PADI4: variants seen among roughly 807,000 people sequenced by gnomAD.
The protein encoded by PADI4 is protein-arginine deiminase type-4.
PADI4 carries 62 observed loss-of-function variants against 75.0 expected under a neutral mutation model. The ratio of observed to expected loss-of-function variants is 0.83; its 90% CI spans 0.67 to 1.02. The LOEUF (loss-of-function observed/expected upper bound fraction) is 1.02. Ranked by LOEUF, PADI4 falls within the 50% of genes least tolerant of loss-of-function variation. The pLI is 0.00. For missense variants in PADI4, 845 were observed against 850.5 expected, an observed-to-expected ratio of 0.99 and a Z score of 0.08; for synonymous variants, 361 against 348.1, an observed-to-expected ratio of 1.04 and a Z score of -0.41.
rs1176442583 is a variant in PADI4, at chr1:17,356,870, T to C, written c.1558+411T>C. 2.6e-5 allele frequency among the ~76,000 whole-genome samples: 4 copies of C among 151,646 alleles called. No individual in the cohort carries two copies. The highest frequency in any genetic ancestry group is 4.9e-5 in the African/African-American group (2 of 41,228). ...CTCAGAGGCAGGAGAAAGCACGATG[T>C]GTGTGAGGACCTCGGGGAGGTTCGG... On this transcript the variant is annotated intron_variant, in intron 13 of 15. Transcript: ENST00000375448. The surrounding 1 kb of genome is among the most constrained non-coding windows in gnomAD (Gnocchi z 4.1).
Position 17,342,094 on chromosome 1 carries a change from C to A in PADI4, c.804C>A (p.Thr268=). ...DTDFPGLITL[T]ISLLDTSNLE... ...ACTTCCCGGGGCTCATTACCCTCAC[C>A]ATCTCCCTGCTGGACACGTCCAACC... Residue 268 remains threonine (T), a synonymous_variant, in exon 7 of 16, where the codon ACC becomes ACA. Transcript: ENST00000375448. The A allele has an allele frequency of 1.2e-6, 2 of 1,614,080 alleles. No individual in the cohort carries two copies. Among genetic ancestry groups the A allele is most frequent in the Non-Finnish European group, 1.7e-6 (2 of 1,180,002 alleles).
chr1:17,347,384 A>C (rs1414534071), intron 9 of PADI4, among the ~76,000 whole-genome samples: 3 of 152,186 alleles, frequency 2.0e-5, no homozygotes, highest in Non-Finnish European at 4.4e-5. Context: ...TGCCTGCTAG[A>C]ATACAAGCCT....
chr1:17,347,656 A>AG (rs1248170215), intron 9 of PADI4, among the ~76,000 whole-genome samples: 1 of 151,456 alleles, frequency 6.6e-6, no homozygotes, highest in Non-Finnish European at 1.5e-5. Flanking sequence ...CACCTTGAGG[A>AG]GGGGTCTCAG....
At chr1:17,334,459 C>A (rs552514181) in intron 3 of PADI4, 1 of 447,876 alleles carries the variant, frequency 2.2e-6, no homozygotes, top group South Asian at 1.6e-5. Context: ...CTTGCCACCA[C>A]GCCTGGCTAA....
At chr1:17,315,233 G>A (rs2073911607) in intron 1 of PADI4, among the ~76,000 whole-genome samples, 1 of 152,218 alleles carries the variant, frequency 6.6e-6, no homozygotes. Context: ...TACACAGTGA[G>A]GGGTGAGTGA....
Position 17,352,131 on chromosome 1 carries a change from T to C in PADI4, c.1156-2402T>C, listed in dbSNP as rs1263485820. ...GGAGAGACTGTGGTCAGAGAGGTGATGGGAGGCAGTAGGAGAGGCAATCAG... is the reference window on the plus strand; with the variant it reads ...GGAGAGACTGTGGTCAGAGAGGTGACGGGAGGCAGTAGGAGAGGCAATCAG... On this transcript the variant is annotated intron_variant, in intron 10 of 15. Coordinates refer to ENST00000375448, the MANE Select transcript of PADI4 (RefSeq NM_012387.3). Among the ~76,000 whole-genome samples, 18 of 101,320 alleles carry C rather than the reference T, an allele frequency of 1.8e-4. 1 individual carries two copies. The highest frequency in any genetic ancestry group is 5.7e-4 in the Admixed American group (6 of 10,576). 66.5% of individuals were successfully genotyped at this position (101,320 alleles called of 152,430 possible). A position where few individuals can be genotyped will look rare whatever the true frequency, so the allele number is the denominator to read the frequency against.
intron 7 of PADI4, 27 bp downstream of exon 7, chr1:17,342,148 G>T (rs769277385): frequency 2.5e-6 from 4 of 1,605,244 alleles, no homozygotes; most frequent in Admixed American, 1.7e-5. Context: ...GCCCTGCATC[G>T]GGGGCCTGGG....
intron 14 of PADI4, 78 bp downstream of exon 14, chr1:17,358,986 C>A: frequency 3.2e-6 from 3 of 949,340 alleles, no homozygotes; most frequent in Non-Finnish European, 4.9e-6. Context: ...TGATTAGAGG[C>A]ACACAGAGGC....
At chr1:17,323,315 A>G (rs2074063050) in intron 1 of PADI4, among the ~76,000 whole-genome samples, 1 of 117,986 alleles carries the variant, frequency 8.5e-6, no homozygotes. Context: ...CAGAAGTGAT[A>G]TTCCAGCACT....
intron 1 of PADI4, among the ~76,000 whole-genome samples, chr1:17,316,712 AATTAATTAATT>A (rs1557539637): frequency 2.5e-4 from 37 of 147,724 alleles, no homozygotes; most frequent in Admixed American, 3.4e-4. Context: ...TAAATAAATT[AATTAATTAATT>A]AATTAATTAA....
At chr1:17,333,803 G>GC in intron 2 of PADI4, 140 bp from the exon 3 acceptor site, 1 of 627,042 alleles carries the variant, frequency 1.6e-6, no homozygotes. Flanking sequence ...ATCGGATGGG[G>GC]CCACTCCTTA....
At chr1:17,359,217 T>TCC in intron 14 of PADI4, 63 bp from the exon 15 acceptor site, 1 of 647,816 alleles carries the variant, frequency 1.5e-6, no homozygotes, top group Non-Finnish European at 2.6e-6. Flanking sequence ...CCCCACACTG[T>TCC]CCCCCACCCC....
chr1:17,349,461 T>C (rs369138801), intron 10 of PADI4, among the ~76,000 whole-genome samples: 7 of 152,048 alleles, frequency 4.6e-5, no homozygotes, highest in East Asian at 3.9e-4. Context: ...TCCCAGCAGT[T>C]TGGGAGGCCA....
chr1:17,318,028 A>C (rs2073969894), intron 1 of PADI4, among the ~76,000 whole-genome samples: 1 of 152,204 alleles, frequency 6.6e-6, no homozygotes, highest in African/African-American at 2.4e-5. Context: ...CAAAACAAAC[A>C]AAAAACACAC....
intron 1 of PADI4, among the ~76,000 whole-genome samples, chr1:17,312,460 CAA>C (rs56407736): frequency 1.1e-4 from 12 of 110,142 alleles, no homozygotes; most frequent in African/African-American, 2.9e-4. Flanking sequence ...AACTCCGCCT[CAA>C]AAAAAAAAAA....
At chr1:17,347,309 G>A (rs543786973) in intron 9 of PADI4, among the ~76,000 whole-genome samples, 20 of 152,294 alleles carry the variant, frequency 1.3e-4, no homozygotes, top group African/African-American at 4.6e-4. Context: ...ATTTGCAAGA[G>A]TGGAACTTTC....
intron 2 of PADI4, 91 bp from the exon 3 acceptor site, chr1:17,333,852 G>T (rs1357814290): frequency 1.5e-5 from 14 of 945,832 alleles, no homozygotes; most frequent in Non-Finnish European, 2.4e-5. Context: ...TGTCTCCCCA[G>T]TGCCCTACCC....
rs2074436761 is a variant in PADI4 at position 17,342,330 on chromosome 1, G to A, written c.863G>A (p.Ser288Asn). 1.9e-6 allele frequency: 3 copies of A among 1,613,798 alleles called. No individual in the cohort carries two copies. Among genetic ancestry groups the A allele is most frequent in the Admixed American group, 1.7e-5 (1 of 60,002 alleles). The change falls in exon 8 of 16, where the codon AGC (serine) becomes AAC (asparagine). Residue 288 changes from serine to asparagine, a missense_variant. Coordinates refer to ENST00000375448, the MANE Select transcript of PADI4 (RefSeq NM_012387.3). ...ELPEAVVFQD[S>N]VVFRVAPWIM... ...CCCGAGGCTGTGGTGTTCCAAGACA[G>A]CGTGGTCTTCCGCGTGGCGCCCTGG... is the stretch of plus-strand genomic sequence containing the variant.
Position 17,312,358 on chromosome 1 carries a change from G to A in PADI4, c.92+4044G>A, listed in dbSNP as rs1362309674. ...GCTTGTAATCCCAGCTACTCAGGAA[G>A]CTGAGGCAAGAGAATCACTTGAACC... On this transcript the variant is annotated intron_variant, in intron 1 of 15. Coordinates refer to ENST00000375448, the MANE Select transcript of PADI4 (RefSeq NM_012387.3). Among the ~76,000 whole-genome samples the A allele has an allele frequency of 4.0e-5, 6 of 151,614 alleles. No individual in the cohort carries two copies. The East Asian group carries it at 1.2e-3, about 30-fold the overall frequency.
Sources: allele counts gnomAD v4.1 joint callset (sites outside exome capture counted in the v4.1 genomes callset), GRCh38; gene constraint gnomAD v4.1.1; non-coding constraint Gnocchi (gnomAD v3.1); transcripts MANE v1.5; gene names NCBI Gene and HGNC (gene_info 2026-07-23, HGNC 2026-07-21).